The following THRA variants were observed in gnomAD, a reference collection of about 807,000 sequenced individuals.
The protein encoded by THRA is thyroid hormone receptor alpha.
THRA carries 13 observed loss-of-function variants against 45.0 expected under a neutral mutation model. The ratio of observed to expected loss-of-function variants is 0.29; its 90% confidence interval spans 0.19 to 0.46. The LOEUF (loss-of-function observed/expected upper bound fraction) is 0.46. Among genes scored for constraint, THRA ranks in the 20% least tolerant of loss-of-function variants. The probability of loss-of-function intolerance (pLI) is 1.00; values close to 1 mark genes in which losing one functional copy is unlikely to be tolerated. For synonymous variants in THRA, 195 were observed against 214.0 expected (o/e 0.91, Z 0.78); for missense variants, 278 against 556.1 (o/e 0.50, Z 5.03).
In THRA at chr17:40,092,242, TG is replaced by T. The variant is rs923182589; in HGVS notation, c.*2789del. 1.2e-4 allele frequency: 18 copies of T among 147,128 alleles called. No homozygotes were observed. The highest frequency in any genetic ancestry group is 4.2e-4 in the African/African-American group (17 of 40,128). 9.1% of individuals were successfully genotyped at this position (147,128 alleles called of 1,614,324 possible). ...TCTCCTGGTGGCGGGTCTGCAGGGCTGGGAGAGGGCAGGGCGTTGTGAGAGA... is the reference window on the plus strand; with the variant it reads ...TCTCCTGGTGGCGGGTCTGCAGGGCTGGAGAGGGCAGGGCGTTGTGAGAGA... On this transcript the variant is annotated 3_prime_UTR_variant, in exon 9 of 9. Coordinates refer to ENST00000450525, the MANE Select transcript of THRA (RefSeq NM_199334.5).
chr17:40,093,067 A>C (rs1598401208), downstream of THRA: 1 of 1,614,146 alleles, frequency 6.2e-7, no homozygotes, highest in Non-Finnish European at 8.5e-7. The surrounding 1 kb of genome is among the most constrained non-coding windows in gnomAD (Gnocchi z 5.9). Context: ...CAGCGGCAGA[A>C]GGCCGGCCGG....
chr17:40,089,177 T>C lies in THRA; in HGVS notation c.983-29T>C. 6.2e-7 allele frequency: 1 copy of C among 1,602,720 alleles called. No individual in the cohort carries two copies. The highest frequency in any genetic ancestry group is 8.5e-7 in the Non-Finnish European group (1 of 1,174,174). On this transcript the variant is annotated intron_variant, in intron 8 of 8. Transcript: ENST00000450525. The surrounding 1 kb of genome is among the most constrained non-coding windows in gnomAD (Gnocchi z 6.1). ...CATCTCCAGGCCTTCGGCCAGCCCC[T>C]CGCCCCTCACGCCCCTCTTCCCTCA...
chr17:40,062,680 C>T (rs1256158056), upstream of THRA: 2 of 151,474 alleles, frequency 1.3e-5, no homozygotes, highest in Non-Finnish European at 3.0e-5. Context: ...GTACCCACTC[C>T]TGCGGGAGCC....
At chr17:40,075,409 C>A (rs375347794) in intron 2 of THRA, among the ~76,000 whole-genome samples, 1 of 152,188 alleles carries the variant, frequency 6.6e-6, no homozygotes, top group Non-Finnish European at 1.5e-5. Context: ...CTAAGGCCCA[C>A]AACTGGGTCC....
chr17:40,066,663 C>CAAAA (rs553082902), intron 1 of THRA, among the ~76,000 whole-genome samples: 2 of 49,496 alleles, frequency 4.0e-5, no homozygotes, highest in African/African-American at 1.2e-4. Context: ...GACTCCGTCT[C>CAAAA]AAAAAAAAAA....
chr17:40,090,125 T>C lies in THRA; in HGVS notation c.*669T>C. The C allele has an allele frequency of 1.4e-6, 1 of 726,220 alleles. No individual in the cohort carries two copies. Among genetic ancestry groups the C allele is most frequent in the Non-Finnish European group, 1.7e-6 (1 of 594,690 alleles). The allele number at this position is 726,220 out of a possible 1,614,324, so 45.0% of individuals were successfully genotyped here. ...CTGACCAGAGGGGAGGACCCCCCCTTTACCACCCCATGCACTTTGCGAGCT... is the reference window on the plus strand; with the variant it reads ...CTGACCAGAGGGGAGGACCCCCCCTCTACCACCCCATGCACTTTGCGAGCT... On this transcript the variant is annotated 3_prime_UTR_variant, in exon 9 of 9. Transcript: ENST00000450525.
chr17:40,071,803 A>C (rs1474727010), intron 1 of THRA, among the ~76,000 whole-genome samples: 1 of 152,132 alleles, frequency 6.6e-6, no homozygotes, highest in Non-Finnish European at 1.5e-5. Context: ...GTCTCCCCAC[A>C]TGCTGGGCCC....
chr17:40,093,711 ATGC>A, downstream of THRA: 1 of 639,992 alleles, frequency 1.6e-6, no homozygotes, highest in Non-Finnish European at 2.7e-6. The surrounding 1 kb of genome is among the most constrained non-coding windows in gnomAD (Gnocchi z 5.9). Context: ...TCCTTGGTTC[ATGC>A]TTCTACTGTG....
intron 2 of THRA, among the ~76,000 whole-genome samples, chr17:40,076,292 C>A (rs1033232131): frequency 6.6e-6 from 1 of 152,012 alleles, no homozygotes; most frequent in Non-Finnish European, 1.5e-5. Context: ...TCAAGCAACA[C>A]GTGCACACTG....
intron 4 of THRA, among the ~76,000 whole-genome samples, chr17:40,082,496 A>G (rs1359919607): frequency 6.6e-6 from 1 of 150,898 alleles, no homozygotes; most frequent in Admixed American, 6.6e-5. Context: ...CAGCCTCCCG[A>G]GTAGCTGGGA....
intron 4 of THRA, among the ~76,000 whole-genome samples, chr17:40,081,729 C>T (rs548349856): frequency 1.7e-3 from 257 of 151,938 alleles, no homozygotes; most frequent in African/African-American, 6.1e-3. Context: ...TTTGGGAGGC[C>T]GAGGTGGGCA....
At chr17:40,064,619 G>A (rs768425452) in intron 1 of THRA, among the ~76,000 whole-genome samples, 3 of 152,200 alleles carry the variant, frequency 2.0e-5, no homozygotes, top group Non-Finnish European at 4.4e-5. Flanking sequence ...GTGTTCCTGC[G>A]TAATGGTGTA....
downstream of THRA, chr17:40,093,643 CCAACT>C (rs989863202): frequency 7.5e-6 from 5 of 663,636 alleles, no homozygotes; most frequent in Non-Finnish European, 1.3e-5. This position sits in a 1 kb window ranked among gnomAD's most constrained non-coding sequence, Gnocchi z 5.9. Flanking sequence ...CTTTGAGGCC[CCAACT>C]CAAGTGTCAC....
intron 2 of THRA, among the ~76,000 whole-genome samples, chr17:40,075,515 C>T (rs1237738696): frequency 3.9e-5 from 6 of 152,206 alleles, no homozygotes; most frequent in East Asian, 1.9e-4. Context: ...ACTCTGAGGA[C>T]GATCTGGCCT....
At chr17:40,075,962 G>A (rs919295001) in intron 2 of THRA, among the ~76,000 whole-genome samples, 1 of 152,240 alleles carries the variant, frequency 6.6e-6, no homozygotes, top group Non-Finnish European at 1.5e-5. Flanking sequence ...CCAGGAGGAA[G>A]GGGCCTGCAA....
chr17:40,069,727 TAAG>T (rs1182842905), intron 1 of THRA, among the ~76,000 whole-genome samples: 2 of 151,454 alleles, frequency 1.3e-5, no homozygotes, highest in African/African-American at 4.9e-5. Flanking sequence ...TGTGGGCTGA[TAAG>T]GAGGGGCTGA....
At chr17:40,080,748 A>T (rs1203414094) in intron 4 of THRA, among the ~76,000 whole-genome samples, 2 of 122,070 alleles carry the variant, frequency 1.6e-5, no homozygotes, top group African/African-American at 3.3e-5. Flanking sequence ...TTCAAGACGG[A>T]GTCTCACTCT....
intron 4 of THRA, among the ~76,000 whole-genome samples, chr17:40,080,347 G>A (rs897772670): frequency 1.3e-5 from 2 of 151,620 alleles, no homozygotes; most frequent in Non-Finnish European, 2.9e-5. Context: ...CGAAGCTGCT[G>A]TGAGCTGTGA....
Position 40,084,599 on chromosome 17 carries a change from T to C in THRA, c.371-11T>C, listed in dbSNP as rs1237887671. The C allele has an allele frequency of 3.7e-6, 6 of 1,613,814 alleles. No homozygotes were observed. The highest frequency in any genetic ancestry group is 5.1e-6 in the Non-Finnish European group (6 of 1,179,832). On this transcript the variant is annotated splice_polypyrimidine_tract_variant and intron_variant, in intron 5 of 8. Coordinates refer to ENST00000450525, the MANE Select transcript of THRA (RefSeq NM_199334.5). ...TGCCATGCGTTAGACCTTGTGCCTC[T>C]CTGTTCACAGTGGTTCTAGATGACT...
Sources: gnomAD v4.1 joint callset for allele counts (sites outside exome capture counted in the v4.1 genomes callset) on GRCh38, gnomAD v4.1.1 for gene constraint, Gnocchi (gnomAD v3.1) non-coding constraint, MANE v1.5 for transcripts, NCBI Gene and HGNC (gene_info 2026-07-23, HGNC 2026-07-21) for gene names.